Variants in SAMD12 observed in about 807,000 individuals in gnomAD.
SAMD12 encodes sterile alpha motif domain-containing protein 12.
A neutral mutation model predicts 15.0 loss-of-function variants in SAMD12; 9 were observed. The ratio of observed to expected loss-of-function variants is 0.60; its 90% CI spans 0.36 to 1.05. The LOEUF (loss-of-function observed/expected upper bound fraction) is 1.05. Among genes scored for constraint, SAMD12 ranks in the 50% least tolerant of loss-of-function variants. The probability of loss-of-function intolerance (pLI) is 0.01; values close to 1 mark genes in which losing one functional copy is unlikely to be tolerated. For synonymous variants in SAMD12, 86 were observed against 90.1 expected (o/e 0.96, Z 0.25); for missense variants, 230 against 234.2 (o/e 0.98, Z 0.12).
chr8:118,456,472 A>G (rs1823254178), intron 2 of SAMD12, among the ~76,000 whole-genome samples: 1 of 152,248 alleles, frequency 6.6e-6, no homozygotes, highest in Non-Finnish European at 1.5e-5. Flanking sequence ...ACTCTTTAGA[A>G]GAATGAATTA....
At position 118,553,923 on chromosome 8, in the gene SAMD12, C is replaced by T. The variant is rs866125013; in HGVS notation, c.192+26792G>A. ...AAGACATTTATGCAGCCAAAAAACA[C>T]ATGAAAAAATGCTCACCATCACTGG... On this transcript the variant is annotated intron_variant, in intron 2 of 3. Transcript: ENST00000314727. Among the ~76,000 whole-genome samples the T allele has an allele frequency of 6.7e-3, 1,020 of 151,560 alleles. 12 individuals are homozygous for T. The highest frequency in any genetic ancestry group is 0.024 in the African/African-American group (979 of 41,248).
the SAMD12 span, among the ~76,000 whole-genome samples, chr8:118,151,598 G>A: frequency 1.3e-5 from 2 of 152,068 alleles, no homozygotes; most frequent in African/African-American, 4.8e-5. Context: ...GGAGGCTGAG[G>A]CGGGTGGATC....
At chr8:118,413,316 G>A (rs1821510255) in intron 3 of SAMD12, among the ~76,000 whole-genome samples, 1 of 152,120 alleles carries the variant, frequency 6.6e-6, no homozygotes, top group Admixed American at 6.5e-5. Context: ...TTTATTGCAA[G>A]GTGCTTTCCT....
At chr8:118,508,268 T>C (rs1196919592) in intron 2 of SAMD12, among the ~76,000 whole-genome samples, 1 of 151,740 alleles carries the variant, frequency 6.6e-6, no homozygotes, top group East Asian at 1.9e-4. Flanking sequence ...CATTAGGAGA[T>C]ATACCTAATG....
At chr8:118,359,387 AC>A (rs1330773775) in intron 4 of SAMD12, among the ~76,000 whole-genome samples, 1 of 152,152 alleles carries the variant, frequency 6.6e-6, no homozygotes, top group African/African-American at 2.4e-5. Context: ...TGTTTAAGCC[AC>A]CCAGTCTGCG....
At chr8:118,547,225 A>G (rs1826157286) in intron 2 of SAMD12, among the ~76,000 whole-genome samples, 3 of 152,196 alleles carry the variant, frequency 2.0e-5, no homozygotes, top group African/African-American at 7.2e-5. Context: ...AAAAAAATGT[A>G]GCAGCAAACA....
chr8:118,151,086 A>G, the SAMD12 span, among the ~76,000 whole-genome samples: 4 of 151,916 alleles, frequency 2.6e-5, no homozygotes, highest in Non-Finnish European at 5.9e-5. Flanking sequence ...TTCTTACAGT[A>G]TCTTAAAACG....
chr8:118,415,564 G>A (rs989164749), intron 3 of SAMD12, among the ~76,000 whole-genome samples: 4 of 151,402 alleles, frequency 2.6e-5, no homozygotes, highest in East Asian at 2.0e-4. Flanking sequence ...TGACAAAAGC[G>A]TGTAATTAAT....
downstream of SAMD12, among the ~76,000 whole-genome samples, chr8:118,374,642 A>G (rs1048240052): frequency 2.0e-5 from 3 of 151,966 alleles, no homozygotes; most frequent in Non-Finnish European, 4.4e-5. Context: ...TGCCAACACT[A>G]GTTATTTTCT....
At chr8:118,613,400 T>G (rs536404505) in intron 1 of SAMD12, among the ~76,000 whole-genome samples, 11 of 152,342 alleles carry the variant, frequency 7.2e-5, no homozygotes, top group Admixed American at 6.5e-4. Context: ...ATTGAAAGTA[T>G]GTGTTAATTC....
Position 118,605,765 on chromosome 8 carries a change from AATATATATATATATATATATATAT to A in SAMD12, c.13+16015_13+16038del, listed in dbSNP as rs55785102. Among the ~76,000 whole-genome samples the A allele has an allele frequency of 5.5e-4, 70 of 127,596 alleles. 1 individual carries two copies. The highest frequency in any genetic ancestry group is 7.9e-4 in the Non-Finnish European group (48 of 60,894). The allele number at this position is 127,596 out of a possible 152,430, so 83.7% of individuals were successfully genotyped here. Reference sequence around the variant, plus strand: ...GTATGGCTGAAAACAAACCCATCACAATATATATATATATATATATATATATATATATATATATATATATATATA... The same window carrying A: ...GTATGGCTGAAAACAAACCCATCACAATATATATATATATATATATATATA... On this transcript the variant is annotated intron_variant, in intron 1 of 3. Transcript: ENST00000314727.
At chr8:118,149,515 C>T in the SAMD12 span, among the ~76,000 whole-genome samples, 1 of 151,982 alleles carries the variant, frequency 6.6e-6, no homozygotes, top group South Asian at 2.1e-4. Flanking sequence ...CTTCTGGGTT[C>T]CAGTCCTTTC....
chr8:118,505,698 C>A (rs1036044780), intron 2 of SAMD12, among the ~76,000 whole-genome samples: 1 of 151,472 alleles, frequency 6.6e-6, no homozygotes, highest in African/African-American at 2.4e-5. Context: ...CTTCATATCT[C>A]GTAAGACGTT....
intron 2 of SAMD12, among the ~76,000 whole-genome samples, chr8:118,473,509 C>A (rs1823866180): frequency 6.6e-6 from 1 of 152,206 alleles, no homozygotes; most frequent in Non-Finnish European, 1.5e-5. Flanking sequence ...CACCAATCTT[C>A]ATTTTCTGGA....
chr8:118,431,663 C>T (rs1281239559), intron 3 of SAMD12, among the ~76,000 whole-genome samples: 1 of 150,316 alleles, frequency 6.7e-6, no homozygotes, highest in Non-Finnish European at 1.5e-5. Context: ...TAAAATCTGA[C>T]TCCTTTCAAA....
At chr8:118,510,512 C>T (rs1396130182) in intron 2 of SAMD12, among the ~76,000 whole-genome samples, 2 of 152,206 alleles carry the variant, frequency 1.3e-5, no homozygotes, top group Non-Finnish European at 2.9e-5. Context: ...TTACATAACT[C>T]AATCTTGAAC....
At chr8:118,243,210 C>A (rs978908503) in intron 4 of SAMD12, among the ~76,000 whole-genome samples, 9 of 152,042 alleles carry the variant, frequency 5.9e-5, no homozygotes, top group Non-Finnish European at 2.9e-5. Flanking sequence ...TCTTAGAGCA[C>A]AATATCATTT....
At chr8:118,349,611 CCTAA>C (rs35302194) in intron 4 of SAMD12, among the ~76,000 whole-genome samples, 30,766 of 152,068 alleles carry the variant, frequency 0.2, 3,510 homozygotes, top group Non-Finnish European at 0.26. Context: ...CTTATCTACC[CCTAA>C]CTAACACACT....
chr8:118,577,328 A>G (rs1311915007), intron 2 of SAMD12, among the ~76,000 whole-genome samples: 1 of 152,218 alleles, frequency 6.6e-6, no homozygotes, highest in Non-Finnish European at 1.5e-5. Flanking sequence ...TATTCTGCCC[A>G]AAATGAATAC....
Sources: gnomAD v4.1 joint callset for allele counts (sites outside exome capture counted in the v4.1 genomes callset) on GRCh38, gnomAD v4.1.1 for gene constraint, MANE v1.5 for transcripts, NCBI Gene and HGNC (gene_info 2026-07-23, HGNC 2026-07-21) for gene names.